Variants in CDH17 observed in about 807,000 individuals in gnomAD.
The protein encoded by CDH17 is cadherin 17, also known as cadherin-17.
A neutral mutation model predicts 86.3 loss-of-function variants in CDH17; 67 were observed. The ratio of observed to expected loss-of-function variants is 0.78; its 90% CI spans 0.64 to 0.95. The LOEUF is 0.95. Among genes scored for constraint, CDH17 ranks in the 40% least tolerant of loss-of-function variants. The pLI is 0.00. For missense variants in CDH17, 993 were observed against 1,017.6 expected (o/e 0.98, Z 0.33); for synonymous variants, 367 against 366.4 (o/e 1.00, Z -0.02).
At chr8:94,131,627 T>C (rs1192459544) in intron 15 of CDH17, among the ~76,000 whole-genome samples, 2 of 132,504 alleles carry the variant, frequency 1.5e-5, no homozygotes, top group African/African-American at 2.9e-5. Context: ...TTCAGCACTA[T>C]AGTTCAAAGC....
At chr8:94,211,042 A>C (rs912527916), upstream of CDH17, among the ~76,000 whole-genome samples, 2 of 151,922 alleles carry the variant, frequency 1.3e-5, no homozygotes, top group African/African-American at 4.8e-5. Context: ...AAAAAAAGAA[A>C]ACAAAACTGA....
intron 3 of CDH17, among the ~76,000 whole-genome samples, chr8:94,183,696 T>C (rs1813525021): frequency 1.3e-5 from 2 of 151,752 alleles, no homozygotes; most frequent in Non-Finnish European, 2.9e-5. Flanking sequence ...CAAATAACAA[T>C]AACAATATAA....
intron 1 of CDH17, among the ~76,000 whole-genome samples, chr8:94,216,160 T>A (rs1814190733): frequency 9.2e-6 from 1 of 108,632 alleles, no homozygotes; most frequent in South Asian, 2.5e-4. Flanking sequence ...TCCCTTTAGT[T>A]TTCCCACTCA....
At chr8:94,167,545 C>T (rs186250996) in intron 9 of CDH17, among the ~76,000 whole-genome samples, 10 of 152,300 alleles carry the variant, frequency 6.6e-5, no homozygotes, top group East Asian at 5.8e-4. Flanking sequence ...CAGGGACCAT[C>T]GGAATGAATA....
chr8:94,139,924 G>T (rs1319870328), intron 15 of CDH17, among the ~76,000 whole-genome samples: 4 of 151,634 alleles, frequency 2.6e-5, no homozygotes, highest in Admixed American at 2.0e-4. Flanking sequence ...GGGGGGTGGT[G>T]AAATACCTTC....
chr8:94,197,200 TATTTATCCC>T (rs1813801169), intron 1 of CDH17: 1 of 152,154 alleles, frequency 6.6e-6, no homozygotes, highest in South Asian at 2.1e-4. Flanking sequence ...TGACCTCGGG[TATTTATCCC>T]AGACAATGAT....
chr8:94,214,157 C>T (rs999402967), intron 1 of CDH17, among the ~76,000 whole-genome samples: 6 of 151,836 alleles, frequency 4.0e-5, no homozygotes, highest in African/African-American at 1.5e-4. Flanking sequence ...CATACGCCTC[C>T]TAGAACACTA....
intron 8 of CDH17, 55 bp from the exon 9 acceptor site, chr8:94,170,602 A>G: frequency 7.7e-6 from 12 of 1,562,142 alleles, no homozygotes; most frequent in Non-Finnish European, 1.0e-5. Context: ...CTCTGTCAAA[A>G]GCAGAGAAAA....
intron 1 of CDH17, among the ~76,000 whole-genome samples, chr8:94,207,698 C>A (rs535824900): frequency 2.4e-4 from 37 of 152,326 alleles, no homozygotes; most frequent in Middle Eastern, 3.4e-3. Context: ...TCCTTCCAAT[C>A]TGCTGCTTGG....
At chr8:94,152,614 T>C (rs1238728880) in intron 12 of CDH17, among the ~76,000 whole-genome samples, 1 of 152,178 alleles carries the variant, frequency 6.6e-6, no homozygotes, top group Non-Finnish European at 1.5e-5. Context: ...GCCAGGCTGG[T>C]CACAAATTCC....
chr8:94,172,252 C>T (rs1210112231), intron 7 of CDH17, among the ~76,000 whole-genome samples: 1 of 151,990 alleles, frequency 6.6e-6, no homozygotes, highest in African/African-American at 2.4e-5. Context: ...CAGAAATTCT[C>T]ATGGTAATGA....
chr8:94,142,142 G>C (rs1486112825), intron 15 of CDH17, among the ~76,000 whole-genome samples: 2 of 152,144 alleles, frequency 1.3e-5, no homozygotes, highest in Non-Finnish European at 2.9e-5. Context: ...AGATAGCTAT[G>C]TTAAAAACAA....
chr8:94,177,666 A>C lies in CDH17; in HGVS notation c.206T>G (p.Ile69Arg). The C allele has an allele frequency of 6.2e-7, 1 of 1,613,842 alleles. No homozygotes were observed. Among genetic ancestry groups the C allele is most frequent in the Middle Eastern group, 1.7e-4 (1 of 6,058 alleles). The change falls in exon 4 of 18, where the codon ATA becomes AGA. Residue 69 changes from isoleucine to arginine, a missense_variant. Physicochemically the swap from Ile to Arg is moderately conservative, Grantham distance 97. Coordinates refer to ENST00000027335, the MANE Select transcript of CDH17 (RefSeq NM_004063.4). The stretch of plus-strand genomic sequence containing the variant: ...AAGTCCCTCCCGTTCTATCACAAAT[A>C]TGTTGTCTGTCTCCCCAGTTAGTTC... ...TFELTGETDNIFVIEREGLLY... is the reference protein window; with the variant it reads ...TFELTGETDNRFVIEREGLLY...
At chr8:94,168,200 C>T (rs537933178) in intron 9 of CDH17, among the ~76,000 whole-genome samples, 186 of 133,676 alleles carry the variant, frequency 1.4e-3, no homozygotes, top group Non-Finnish European at 2.2e-3. Flanking sequence ...GTTGTCTGGG[C>T]TGGAGCACAG....
chr8:94,172,050 C>T (rs1813280884), intron 7 of CDH17, among the ~76,000 whole-genome samples: 1 of 142,628 alleles, frequency 7.0e-6, no homozygotes, highest in African/African-American at 2.6e-5. Context: ...CCCCCTCTCT[C>T]TTTCTCCCTC....
At chr8:94,192,072 C>A (rs973628531) in intron 2 of CDH17, among the ~76,000 whole-genome samples, 2 of 152,218 alleles carry the variant, frequency 1.3e-5, no homozygotes. Context: ...ACAAACAAGG[C>A]TGCACTATTC....
chr8:94,130,485 T>C (rs751660530), intron 17 of CDH17, 141 bp downstream of exon 17: 67 of 592,804 alleles, frequency 1.1e-4, no homozygotes, highest in Middle Eastern at 8.9e-4. Flanking sequence ...TGATGTAATT[T>C]GCTGGTGATC....
At chr8:94,163,002 T>G (rs1220747325) in intron 10 of CDH17, among the ~76,000 whole-genome samples, 2 of 152,234 alleles carry the variant, frequency 1.3e-5, no homozygotes, top group African/African-American at 2.4e-5. Context: ...CCACTTAGCA[T>G]GTATGTGAGA....
intron 13 of CDH17, among the ~76,000 whole-genome samples, chr8:94,150,667 G>T (rs1274276997): frequency 6.6e-6 from 1 of 152,000 alleles, no homozygotes; most frequent in Admixed American, 6.6e-5. Flanking sequence ...TCAACTTAAT[G>T]GTATATGTAT....
Sources: allele counts gnomAD v4.1 joint callset (sites outside exome capture counted in the v4.1 genomes callset), GRCh38; gene constraint gnomAD v4.1.1; transcripts MANE v1.5; gene names NCBI Gene and HGNC (gene_info 2026-07-23, HGNC 2026-07-21).